RAI14: variants seen among roughly 807,000 people sequenced by gnomAD.
RAI14 encodes ankycorbin.
RAI14 carries 45 observed loss-of-function variants against 115.4 expected under a neutral mutation model. The observed-to-expected ratio is 0.39, with a 90% CI of 0.31 to 0.50. The LOEUF (loss-of-function observed/expected upper bound fraction) is 0.50. RAI14 is among the 20% of genes least tolerant of loss of function. RAI14 has a pLI of 0.85. For synonymous variants in RAI14, 371 were observed against 415.4 expected (o/e 0.89, Z 1.30); for missense variants, 939 against 1,131.2 (o/e 0.83, Z 2.44).
chr5:34,749,432 A>T (rs1354768787), intron 2 of RAI14, among the ~76,000 whole-genome samples: 1 of 152,228 alleles, frequency 6.6e-6, no homozygotes, highest in Non-Finnish European at 1.5e-5. Flanking sequence ...ACTGAGTTCC[A>T]CTGGTTTTTC....
At chr5:34,682,177 A>G (rs952025456) in intron 1 of RAI14, among the ~76,000 whole-genome samples, 1 of 152,042 alleles carries the variant, frequency 6.6e-6, no homozygotes, top group Non-Finnish European at 1.5e-5. Flanking sequence ...TCTTAATCCT[A>G]AAGAGTGGAG....
intron 1 of RAI14, chr5:34,658,846 A>G (rs1237690629): frequency 1.3e-5 from 2 of 152,108 alleles, no homozygotes; most frequent in East Asian, 3.8e-4. Flanking sequence ...CATACATAAA[A>G]ACAGAGTATA....
At chr5:34,715,245 G>T (rs986046873) in intron 2 of RAI14, among the ~76,000 whole-genome samples, 1 of 152,098 alleles carries the variant, frequency 6.6e-6, no homozygotes, top group African/African-American at 2.4e-5. Flanking sequence ...TGGTGTCACC[G>T]TTTTTATACC....
chr5:34,687,713 G>T lies in RAI14; in HGVS notation c.36+758G>T, dbSNP rs769737436. On this transcript the variant is annotated intron_variant, in intron 2 of 17. Coordinates refer to ENST00000265109, the MANE Select transcript of RAI14 (RefSeq NM_015577.3). Reference sequence around the variant, plus strand: ...AGAAATTAATGGAAGGGAATTAGATGGAAGCCAAGGTATGTCACTCTCAAA... The same window carrying T: ...AGAAATTAATGGAAGGGAATTAGATTGAAGCCAAGGTATGTCACTCTCAAA... The T allele has an allele frequency of 1.2e-4, 189 of 1,551,432 alleles. 1 individual carries two copies. The highest frequency in any genetic ancestry group is 1.6e-4 in the Non-Finnish European group (182 of 1,146,904).
intron 2 of RAI14, among the ~76,000 whole-genome samples, chr5:34,702,898 G>A (rs1031460853): frequency 6.6e-6 from 1 of 152,098 alleles, no homozygotes; most frequent in African/African-American, 2.4e-5. Context: ...TAGAGACGGG[G>A]TTTCTCCATA....
Position 34,823,956 on chromosome 5 carries a change from A to G in RAI14, c.2114A>G (p.Gln705Arg). The change falls in exon 15 of 18, where the codon CAG (glutamine) becomes CGG (arginine). Residue 705 changes from glutamine to arginine, a missense_variant. By Grantham distance (43) the Gln-to-Arg change is conservative. Coordinates refer to ENST00000265109, the MANE Select transcript of RAI14 (RefSeq NM_015577.3). The surrounding 1 kb of genome is among the most constrained non-coding windows in gnomAD (Gnocchi z 4.5). ...AEDALSEMKS[Q>R]YSKVLNELTQ... ...GATGCACTGTCTGAAATGAAGTCTC[A>G]GTATTCAAAAGTGTTGAATGAGTTG... The G allele has an allele frequency of 6.2e-7, 1 of 1,614,194 alleles. No individual in the cohort carries two copies. The highest frequency in any genetic ancestry group is 1.1e-5 in the South Asian group (1 of 91,060).
At chr5:34,807,904 A>G (rs370170489) in intron 6 of RAI14, 47 bp downstream of exon 6, 7 of 1,471,376 alleles carry the variant, frequency 4.8e-6, no homozygotes, top group Non-Finnish European at 6.7e-6. Context: ...TAGAAACACC[A>G]ACTTTTCTTT....
chr5:34,692,081 G>A (rs758259878), intron 2 of RAI14, among the ~76,000 whole-genome samples: 2 of 152,032 alleles, frequency 1.3e-5, no homozygotes, highest in Non-Finnish European at 2.9e-5. Context: ...TGGCCAACAT[G>A]GCAAAACCCC....
chr5:34,822,999 C>T lies in RAI14; in HGVS notation c.1157C>T (p.Ser386Leu). ...GCGGAAGCAGACCTAAGCTTTGACT[C>T]ATACCATTCCACCCAAACTGACTTG... The part of the protein sequence containing the change: ...KEAEADLSFD[S>L]YHSTQTDLGP... The change falls in exon 15 of 18, where the codon TCA (serine) becomes TTA (leucine). Residue 386 changes from serine to leucine, a missense_variant. By Grantham distance (145) the Ser-to-Leu change is moderately radical (BLOSUM62 -2). Transcript: ENST00000265109. 1.2e-6 allele frequency: 2 copies of T among 1,614,032 alleles called. No individual in the cohort carries two copies. Among genetic ancestry groups the T allele is most frequent in the Middle Eastern group, 1.6e-4 (1 of 6,062 alleles).
chr5:34,808,765 C>A, intron 7 of RAI14, 111 bp downstream of exon 7: 1 of 1,011,108 alleles, frequency 9.9e-7, no homozygotes, highest in Non-Finnish European at 1.5e-6. Flanking sequence ...ACCTTTTTGG[C>A]ATCAGGGGCT....
chr5:34,699,284 C>G (rs1739737503), intron 2 of RAI14, among the ~76,000 whole-genome samples: 1 of 152,146 alleles, frequency 6.6e-6, no homozygotes, highest in Non-Finnish European at 1.5e-5. Context: ...AACATGGTAT[C>G]TTGCTATGTT....
chr5:34,709,082 A>G (rs1360353788), intron 2 of RAI14, among the ~76,000 whole-genome samples: 1 of 149,462 alleles, frequency 6.7e-6, no homozygotes, highest in Non-Finnish European at 1.5e-5. Flanking sequence ...GTAAGCTATG[A>G]TCATGCTTCT....
intron 2 of RAI14, among the ~76,000 whole-genome samples, chr5:34,746,412 T>G (rs1467456115): frequency 6.6e-6 from 1 of 150,740 alleles, no homozygotes; most frequent in Non-Finnish European, 1.5e-5. Context: ...GCCTTTTTTT[T>G]TTTTTTAACG....
In RAI14 at chr5:34,752,914, C is replaced by T. The variant is rs568329260; in HGVS notation, c.37-4554C>T. 1.9e-3 allele frequency among the ~76,000 whole-genome samples: 288 copies of T among 151,672 alleles called. 2 individuals carry two copies. Among genetic ancestry groups the T allele is most frequent in the African/African-American group, 6.6e-3 (273 of 41,316 alleles). ...TCCCAAGTAGCTGGGATCACAGGCA[C>T]GAGCCACCGTGCCCAGTCCAGAAAT... On this transcript the variant is annotated intron_variant, in intron 2 of 17. Coordinates refer to ENST00000265109, the MANE Select transcript of RAI14 (RefSeq NM_015577.3).
intron 5 of RAI14, among the ~76,000 whole-genome samples, 176 bp downstream of exon 5, chr5:34,803,952 A>G (rs1285389897): frequency 6.6e-6 from 1 of 152,208 alleles, no homozygotes. Flanking sequence ...GACTGTCTCC[A>G]TAGCAACTCC....
intron 12 of RAI14, 108 bp downstream of exon 12, chr5:34,814,777 G>A: frequency 1.1e-6 from 1 of 891,342 alleles, no homozygotes; most frequent in Middle Eastern, 2.3e-4. Flanking sequence ...TGAATCATTG[G>A]TTCACAACCT....
In RAI14 at chr5:34,811,214, A is replaced by T. The variant is rs1180868856; in HGVS notation, c.557+96A>T. 4 of 1,384,046 alleles carry T rather than the reference A, an allele frequency of 2.9e-6. No homozygotes were observed. The African/African-American group carries it at 4.3e-5, about 15-fold the overall frequency. The allele number at this position is 1,384,046 out of a possible 1,614,324, so 85.7% of individuals were successfully genotyped here. ...ACAGCTATATTTTGGATCATTTGTT[A>T]TAAGGGATTTTTAACTTCTTACCTT... is the stretch of plus-strand genomic sequence containing the variant. On this transcript the variant is annotated intron_variant, in intron 8 of 17. Coordinates refer to ENST00000265109, the MANE Select transcript of RAI14 (RefSeq NM_015577.3).
At chr5:34,830,262 G>A (rs533106794) in intron 17 of RAI14, among the ~76,000 whole-genome samples, 76 of 152,126 alleles carry the variant, frequency 5.0e-4, no homozygotes, top group Admixed American at 3.3e-3. Context: ...GAGATTACAC[G>A]CATGAGCCAC....
intron 1 of RAI14, among the ~76,000 whole-genome samples, chr5:34,679,284 T>C (rs1744220960): frequency 6.6e-6 from 1 of 152,240 alleles, no homozygotes; most frequent in Admixed American, 6.5e-5. Context: ...AAAATGACTG[T>C]GGTATGTCTG....
Sources: gnomAD v4.1 joint callset for allele counts (sites outside exome capture counted in the v4.1 genomes callset) on GRCh38, gnomAD v4.1.1 for gene constraint, Gnocchi (gnomAD v3.1) non-coding constraint, MANE v1.5 for transcripts, NCBI Gene and HGNC (gene_info 2026-07-23, HGNC 2026-07-21) for gene names.